Variants in THSD7B observed in about 807,000 individuals in gnomAD.
THSD7B encodes the protein thrombospondin type-1 domain-containing protein 7B.
A neutral mutation model predicts 213.6 loss-of-function variants in THSD7B; 138 were observed. The observed-to-expected ratio is 0.65, with a 90% CI of 0.56 to 0.74. The LOEUF is 0.74. Among genes scored for constraint, THSD7B ranks in the 30% least tolerant of loss-of-function variants. The pLI is 0.00. For synonymous variants in THSD7B, 742 were observed against 687.0 expected (o/e 1.08, Z -1.25); for missense variants, 1,931 against 1,991.5 (o/e 0.97, Z 0.58).
intron 27 of THSD7B, among the ~76,000 whole-genome samples, chr2:137,674,524 C>G (rs1683652274): frequency 1.3e-5 from 2 of 152,144 alleles, no homozygotes; most frequent in Admixed American, 1.3e-4. Context: ...ACCCAGGACT[C>G]CATGTCAAGT....
At chr2:137,318,200 A>T (rs1189529363) in intron 12 of THSD7B, among the ~76,000 whole-genome samples, 1 of 152,148 alleles carries the variant, frequency 6.6e-6, no homozygotes, top group Non-Finnish European at 1.5e-5. Flanking sequence ...GACTCAAATG[A>T]TATCATCAGG....
At chr2:137,603,378 C>A (rs545679641) in intron 17 of THSD7B, among the ~76,000 whole-genome samples, 1 of 152,114 alleles carries the variant, frequency 6.6e-6, no homozygotes, top group East Asian at 1.9e-4. Flanking sequence ...TCCAATGAGT[C>A]CTGTGTAATT....
chr2:137,410,031 C>T (rs1028090685), intron 13 of THSD7B, among the ~76,000 whole-genome samples: 1 of 151,976 alleles, frequency 6.6e-6, no homozygotes, highest in Non-Finnish European at 1.5e-5. Context: ...CTGAGAGATT[C>T]AACAATATTT....
chr2:136,939,807 T>A (rs1429987), intron 2 of THSD7B, among the ~76,000 whole-genome samples: 8,487 of 152,200 alleles, frequency 0.056, 549 homozygotes, highest in African/African-American at 0.15. Context: ...GCACTGTCTA[T>A]CACTGGAAAT....
intron 12 of THSD7B, among the ~76,000 whole-genome samples, chr2:137,310,636 A>T (rs926276485): frequency 6.6e-6 from 1 of 152,070 alleles, no homozygotes; most frequent in Admixed American, 6.5e-5. Flanking sequence ...TTATGGTTTT[A>T]GGTCTAAGGT....
At chr2:137,039,552 T>G (rs114930911) in intron 2 of THSD7B, among the ~76,000 whole-genome samples, 1,863 of 152,300 alleles carry the variant, frequency 0.012, 39 homozygotes, top group African/African-American at 0.043. Context: ...GAGGAAGTTT[T>G]GTACAGCAAA....
At chr2:136,849,730 A>T (rs1445845813) in intron 1 of THSD7B, among the ~76,000 whole-genome samples, 1 of 152,158 alleles carries the variant, frequency 6.6e-6, no homozygotes, top group Non-Finnish European at 1.5e-5. Context: ...TCCAGATTGC[A>T]TTTCATTCTC....
At chr2:137,237,372 G>T (rs573737345) in intron 9 of THSD7B, among the ~76,000 whole-genome samples, 2 of 152,156 alleles carry the variant, frequency 1.3e-5, no homozygotes, top group African/African-American at 4.8e-5. Context: ...CTTCAGTTTT[G>T]TTGCGGAAAT....
In THSD7B at chr2:136,852,482, C is replaced by G. The variant is rs1041834593; in HGVS notation, c.-35-29662C>G. 2.6e-5 allele frequency among the ~76,000 whole-genome samples: 4 copies of G among 152,256 alleles called. 1 individual carries two copies. Among genetic ancestry groups the G allele is most frequent in the Admixed American group, 2.6e-4 (4 of 15,286 alleles). On this transcript the variant is annotated intron_variant, in intron 1 of 27. Transcript: ENST00000409968. Reference sequence around the variant, plus strand: ...GGAACACCGCCTTGCTAACACCATGCCTTAGGGTCTTGTGAGACTCAGAGA... The same window carrying G: ...GGAACACCGCCTTGCTAACACCATGGCTTAGGGTCTTGTGAGACTCAGAGA...
chr2:137,081,908 G>A (rs973845128), intron 3 of THSD7B, among the ~76,000 whole-genome samples: 3 of 151,930 alleles, frequency 2.0e-5, no homozygotes, highest in African/African-American at 4.8e-5. Flanking sequence ...GGAAAAGGGC[G>A]GTATCTTGTT....
At chr2:137,215,697 T>G (rs763985862) in intron 7 of THSD7B, among the ~76,000 whole-genome samples, 2 of 152,218 alleles carry the variant, frequency 1.3e-5, no homozygotes, top group East Asian at 3.8e-4. Context: ...AGGATTATGT[T>G]AAGACATTGG....
At chr2:137,082,181 T>C (rs1333475343) in intron 3 of THSD7B, among the ~76,000 whole-genome samples, 1 of 152,140 alleles carries the variant, frequency 6.6e-6, no homozygotes, top group African/African-American at 2.4e-5. Context: ...TTTACTCCTC[T>C]GCAATTTTTT....
chr2:137,398,376 T>G (rs1464280177), intron 12 of THSD7B, among the ~76,000 whole-genome samples: 1 of 148,010 alleles, frequency 6.8e-6, no homozygotes, highest in African/African-American at 2.5e-5. Context: ...TAGTTTTCCT[T>G]CTAACAGACA....
At chr2:137,538,123 A>G (rs1016537355) in intron 15 of THSD7B, among the ~76,000 whole-genome samples, 2 of 151,652 alleles carry the variant, frequency 1.3e-5, no homozygotes, top group African/African-American at 4.8e-5. Context: ...TGTGATTAAG[A>G]TACTTCTTAG....
At chr2:137,545,233 G>T (rs1254575295) in intron 15 of THSD7B, among the ~76,000 whole-genome samples, 1 of 151,796 alleles carries the variant, frequency 6.6e-6, no homozygotes, top group African/African-American at 2.4e-5. Context: ...TTATTACAGT[G>T]AATTCTCTTA....
At chr2:136,825,866 T>G (rs1204888942) in intron 1 of THSD7B, among the ~76,000 whole-genome samples, 1 of 152,044 alleles carries the variant, frequency 6.6e-6, no homozygotes, top group East Asian at 1.9e-4. Flanking sequence ...TCTTCTCTTT[T>G]AAGTACACAT....
At chr2:137,047,017 C>T (rs1372281992) in intron 2 of THSD7B, among the ~76,000 whole-genome samples, 1 of 152,046 alleles carries the variant, frequency 6.6e-6, no homozygotes, top group Non-Finnish European at 1.5e-5. Flanking sequence ...ACATGCTGCA[C>T]CCAAAGTGGT....
At chr2:137,095,278 A>G (rs557044800) in intron 4 of THSD7B, among the ~76,000 whole-genome samples, 157 bp downstream of exon 4, 4 of 152,330 alleles carry the variant, frequency 2.6e-5, no homozygotes, top group African/African-American at 9.6e-5. Context: ...GGTTAAGATC[A>G]TGGGCTTTGG....
intron 21 of THSD7B, among the ~76,000 whole-genome samples, chr2:137,645,567 C>T (rs1482447351): frequency 6.6e-6 from 1 of 151,944 alleles, no homozygotes; most frequent in Non-Finnish European, 1.5e-5. Flanking sequence ...TGGACTGATC[C>T]CAAGATACAT....
Sources: gnomAD v4.1 joint callset for allele counts (sites outside exome capture counted in the v4.1 genomes callset) on GRCh38, gnomAD v4.1.1 for gene constraint, MANE v1.5 for transcripts, NCBI Gene and HGNC (gene_info 2026-07-23, HGNC 2026-07-21) for gene names.